Variants in SLC2A11 observed in about 807,000 individuals in gnomAD.
SLC2A11 encodes solute carrier family 2 member 11, also known as solute carrier family 2, facilitated glucose transporter member 11.
A neutral mutation model predicts 52.1 loss-of-function variants in SLC2A11; 43 were observed. The observed-to-expected ratio is 0.82, with a 90% CI of 0.65 to 1.06. The LOEUF (loss-of-function observed/expected upper bound fraction) is 1.06. Among genes scored for constraint, SLC2A11 ranks in the 50% least tolerant of loss-of-function variants. The probability of loss-of-function intolerance (pLI) is 0.00; values close to 1 mark genes in which losing one functional copy is unlikely to be tolerated. For synonymous variants in SLC2A11, 261 were observed against 277.6 expected (o/e 0.94, Z 0.59); for missense variants, 582 against 654.2 (o/e 0.89, Z 1.20).
Position 23,884,570 on chromosome 22 carries a change from T to C in SLC2A11, c.1300-79T>C, listed in dbSNP as rs1191743428. ...GGGAGCAAAGAGGGGGGCAAATGCC[T>C]CCTCACGACCTGTCATGGGCCTTCT... On this transcript the variant is annotated intron_variant, in intron 11 of 11. Coordinates refer to ENST00000316185, the MANE Select transcript of SLC2A11 (RefSeq NM_001024939.4). This position sits in a 1 kb window ranked among gnomAD's most constrained non-coding sequence, Gnocchi z 4.3. 3.2e-6 allele frequency: 5 copies of C among 1,540,724 alleles called. No individual in the cohort carries two copies. In the African/African-American group the frequency reaches 5.5e-5, roughly 17 times the overall value.
chr22:23,877,592 G>C, intron 5 of SLC2A11, 129 bp from the exon 6 acceptor site: 1 of 1,246,118 alleles, frequency 8.0e-7, no homozygotes, highest in Non-Finnish European at 1.1e-6. Flanking sequence ...TTCAGACCCA[G>C]ACTTGGATAG....
rs2032580959 is a variant in SLC2A11 at position 23,875,250 on chromosome 22, TG to T, written c.415+14del. On this transcript the variant is annotated intron_variant, in intron 4 of 11. Transcript: ENST00000316185. ...CGTGGGAGTCAATGCAGGTATGGGG[TG>T]GGGGCTTCTCATCCTGCCTCTCTAT... 7.0e-7 allele frequency: 1 copy of T among 1,419,436 alleles called. No homozygotes were observed. The highest frequency in any genetic ancestry group is 9.3e-7 in the Non-Finnish European group (1 of 1,074,592). The allele number at this position is 1,419,436 out of a possible 1,614,324, so 87.9% of individuals were successfully genotyped here.
At chr22:23,858,509 T>C (rs1030115616) in intron 1 of SLC2A11, among the ~76,000 whole-genome samples, 4 of 152,196 alleles carry the variant, frequency 2.6e-5, no homozygotes, top group Non-Finnish European at 4.4e-5. Context: ...TCTGGACTGA[T>C]TTCTTTAGGT....
At chr22:23,867,800 C>T (rs994265831) in intron 2 of SLC2A11, 13 of 469,192 alleles carry the variant, frequency 2.8e-5, no homozygotes, top group African/African-American at 8.0e-5. Context: ...CTGGAGGGGA[C>T]ATGGAAGCCT....
intron 1 of SLC2A11, 28 bp downstream of exon 1, chr22:23,858,057 A>G: frequency 6.4e-7 from 1 of 1,553,134 alleles, no homozygotes; most frequent in Non-Finnish European, 8.7e-7. Context: ...TGCCCAGACC[A>G]GGCGTTTCAG....
At position 23,869,754 on chromosome 22, in the gene SLC2A11, T is replaced by C. The variant is rs1044560295; in HGVS notation, c.290+1113T>C. 7.8e-6 allele frequency: 4 copies of C among 513,482 alleles called. No homozygotes were observed. In the African/African-American group the frequency reaches 7.8e-5, roughly 10 times the overall value. 31.8% of individuals were successfully genotyped at this position (513,482 alleles called of 1,614,324 possible). ...ACAGAAATTTACTTTCTCACAGTTC[T>C]GGAGGCTGTGAAGTCCAAGATCAAG... On this transcript the variant is annotated intron_variant, in intron 3 of 11. Transcript: ENST00000316185.
rs545056616 is a variant in SLC2A11, at chr22:23,859,431, G to A, written c.30+1402G>A. On this transcript the variant is annotated intron_variant, in intron 1 of 11. Coordinates refer to ENST00000316185, the MANE Select transcript of SLC2A11 (RefSeq NM_001024939.4). The stretch of plus-strand genomic sequence containing the variant: ...CTCACTGAATGGTGAAAGCACAGCT[G>A]TCTCTTTCCCAGCTGTATCTTGCCC... Among the ~76,000 whole-genome samples the A allele has an allele frequency of 6.3e-4, 96 of 151,998 alleles. 1 individual carries two copies. Among genetic ancestry groups the A allele is most frequent in the African/African-American group, 2.2e-3 (90 of 41,464 alleles).
chr22:23,882,267 GAGACACACACAGAGAC>G, intron 6 of SLC2A11, 176 bp from the exon 7 acceptor site: 5 of 546,344 alleles, frequency 9.2e-6, no homozygotes, highest in South Asian at 2.3e-5. Flanking sequence ...CACACACACA[GAGACACACACAGAGAC>G]AGAGAGATTG....
At position 23,883,843 on chromosome 22, in the gene SLC2A11, G is replaced by A. The variant is rs766676819; in HGVS notation, c.1065G>A (p.Gly355=). 4 of 1,590,328 alleles carry A rather than the reference G, an allele frequency of 2.5e-6. No homozygotes were observed. The highest frequency in any genetic ancestry group is 3.4e-6 in the Non-Finnish European group (4 of 1,171,702). Residue 355 remains glycine, a synonymous_variant, in exon 9 of 12, where the codon GGG becomes GGA. Transcript: ENST00000316185. The part of the protein sequence containing the change: ...IGGYSLMTCW[G]SIFTVALCLQ... ...GGTACAGCCTGATGACCTGCTGGGG[G>A]AGCATCTTCACTGTGGCCCTGTGCC...
At chr22:23,861,290 C>CAAAAAAAAAAAAAAA (rs56138210) in intron 1 of SLC2A11, among the ~76,000 whole-genome samples, 1 of 35,624 alleles carries the variant, frequency 2.8e-5, no homozygotes, top group African/African-American at 1.1e-4. Flanking sequence ...GACTCAGTCT[C>CAAAAAAAAAAAAAAA]AAAAAAAAAA....
At chr22:23,858,233 A>G in intron 1 of SLC2A11, 1 of 812,470 alleles carries the variant, frequency 1.2e-6, no homozygotes, top group Admixed American at 2.0e-5. Context: ...CCTGTGGGCC[A>G]GAGCAAGGTT....
chr22:23,863,439 A>G (rs901628064), intron 2 of SLC2A11, among the ~76,000 whole-genome samples: 3 of 152,178 alleles, frequency 2.0e-5, no homozygotes, highest in African/African-American at 7.2e-5. Context: ...TTTCAGCCCC[A>G]GTGATAGAAG....
chr22:23,867,760 A>G (rs1283181117), intron 2 of SLC2A11: 1 of 470,284 alleles, frequency 2.1e-6, no homozygotes, highest in Admixed American at 2.3e-5. Context: ...AGGTTCATGA[A>G]CACATTGAGG....
chr22:23,879,995 C>T (rs1434982369), intron 6 of SLC2A11, among the ~76,000 whole-genome samples: 2 of 152,064 alleles, frequency 1.3e-5, no homozygotes, highest in Non-Finnish European at 2.9e-5. Flanking sequence ...GGGCAGATCA[C>T]GAGGTCAAGA....
In SLC2A11 at chr22:23,879,251, T is replaced by C. The variant is rs145729651; in HGVS notation, c.694+1382T>C. Among the ~76,000 whole-genome samples, 66 of 152,240 alleles carry C rather than the reference T, an allele frequency of 4.3e-4. No homozygotes were observed. In the East Asian group the frequency reaches 0.012, roughly 28 times the overall value. The stretch of plus-strand genomic sequence containing the variant: ...TGATCAGCACGGAAGTTTTCTTCTT[T>C]TTTGTTCTTGTTTTTTTGGTTTTGT... On this transcript the variant is annotated intron_variant, in intron 6 of 11. Coordinates refer to ENST00000316185, the MANE Select transcript of SLC2A11 (RefSeq NM_001024939.4).
chr22:23,870,014 C>T (rs1326301437), intron 3 of SLC2A11: 1 of 717,590 alleles, frequency 1.4e-6, no homozygotes, highest in South Asian at 1.5e-5. Flanking sequence ...AAAGGCCCAC[C>T]TCTAAATACC....
Position 23,884,655 on chromosome 22 carries a change from T to A in SLC2A11, c.1306T>A (p.Leu436Met). Residue 436 changes from leucine (L) to methionine (M), a missense_variant, in exon 12 of 12, where the codon TTG becomes ATG. Transcript: ENST00000316185. The surrounding 1 kb of genome is among the most constrained non-coding windows in gnomAD (Gnocchi z 4.3). ...GLGFPFIMEA[L>M]SHFLYVPFLG... Reference sequence around the variant, plus strand: ...GGTCTTTTTTAATCCGCAGGAGGCCTTGTCCCACTTCCTCTATGTCCCTTT... The same window carrying A: ...GGTCTTTTTTAATCCGCAGGAGGCCATGTCCCACTTCCTCTATGTCCCTTT... 1 of 1,612,904 alleles carries A rather than the reference T, an allele frequency of 6.2e-7. No individual in the cohort carries two copies. Among genetic ancestry groups the A allele is most frequent in the South Asian group, 1.1e-5 (1 of 90,972 alleles).
At chr22:23,860,833 C>T (rs1204236271) in intron 1 of SLC2A11, among the ~76,000 whole-genome samples, 1 of 142,954 alleles carries the variant, frequency 7.0e-6, no homozygotes. Flanking sequence ...AGACGCCTGC[C>T]AACACGCCCA....
At chr22:23,877,320 C>A in intron 5 of SLC2A11, 149 bp downstream of exon 5, 4 of 1,332,868 alleles carry the variant, frequency 3.0e-6, no homozygotes, top group Admixed American at 1.9e-5. Context: ...TCTCTGCTGC[C>A]AATTCACGAA....
Sources: allele counts gnomAD v4.1 joint callset (sites outside exome capture counted in the v4.1 genomes callset), GRCh38; gene constraint gnomAD v4.1.1; non-coding constraint Gnocchi (gnomAD v3.1); transcripts MANE v1.5; gene names NCBI Gene and HGNC (gene_info 2026-07-23, HGNC 2026-07-21).